MYO3B: variants seen among roughly 807,000 people sequenced by gnomAD.
The protein encoded by MYO3B is myosin IIIB, also known as myosin-IIIb.
Under a neutral mutation model 174.6 loss-of-function variants are expected in MYO3B, and 156 were observed. The ratio of observed to expected loss-of-function variants is 0.89; its 90% CI spans 0.78 to 1.02. MYO3B has a LOEUF of 1.02. MYO3B is among the 50% of genes least tolerant of loss of function. The pLI is 0.00. For synonymous variants in MYO3B, 563 were observed against 569.1 expected (o/e 0.99, Z 0.15); for missense variants, 1,632 against 1,639.4 (o/e 1.00, Z 0.08).
intron 32 of MYO3B, among the ~76,000 whole-genome samples, chr2:170,609,104 A>G (rs950760945): frequency 6.6e-6 from 1 of 152,150 alleles, no homozygotes; most frequent in Non-Finnish European, 1.5e-5. Context: ...TTGCTCTTTC[A>G]TGTTTCTTCT....
intron 19 of MYO3B, 73 bp downstream of exon 19, chr2:170,403,068 G>T: frequency 6.9e-7 from 1 of 1,451,746 alleles, no homozygotes; most frequent in Non-Finnish European, 9.4e-7. Context: ...ATTTGTAGCA[G>T]AAACCCTGTA....
At chr2:170,251,784 T>C (rs1184599350) in intron 7 of MYO3B, among the ~76,000 whole-genome samples, 2 of 152,232 alleles carry the variant, frequency 1.3e-5, no homozygotes, top group Non-Finnish European at 2.9e-5. Flanking sequence ...ACAGCAGTTC[T>C]AGGAAACTAT....
chr2:170,293,533 C>T (rs2093609573), intron 7 of MYO3B, among the ~76,000 whole-genome samples: 1 of 152,108 alleles, frequency 6.6e-6, no homozygotes, highest in Non-Finnish European at 1.5e-5. Context: ...ATTGCTTTCT[C>T]AACCTCTTCT....
At chr2:170,370,325 G>A (rs1035110144) in intron 9 of MYO3B, among the ~76,000 whole-genome samples, 1 of 152,098 alleles carries the variant, frequency 6.6e-6, no homozygotes, top group African/African-American at 2.4e-5. Flanking sequence ...GCCAAACATT[G>A]GCATCCAAAC....
At chr2:170,254,945 G>A (rs1574662637) in intron 7 of MYO3B, among the ~76,000 whole-genome samples, 1 of 152,326 alleles carries the variant, frequency 6.6e-6, no homozygotes, top group East Asian at 1.9e-4. Context: ...TGCTCCTGGG[G>A]CAGACACTGG....
At chr2:170,325,602 A>T (rs762607306) in intron 7 of MYO3B, among the ~76,000 whole-genome samples, 1 of 152,150 alleles carries the variant, frequency 6.6e-6, no homozygotes, top group Non-Finnish European at 1.5e-5. Context: ...ATGCTAGAGG[A>T]TGAGAAGTGA....
intron 1 of MYO3B, among the ~76,000 whole-genome samples, chr2:170,182,857 C>T (rs1032904930): frequency 3.3e-5 from 5 of 152,002 alleles, no homozygotes; most frequent in Non-Finnish European, 7.4e-5. Context: ...GATCTGTCTG[C>T]CTTGGCCTCC....
chr2:170,183,066 G>T (rs1240640682), intron 1 of MYO3B, among the ~76,000 whole-genome samples: 1 of 152,014 alleles, frequency 6.6e-6, no homozygotes, highest in Non-Finnish European at 1.5e-5. Flanking sequence ...GACCAGCCTG[G>T]GCAACACTGT....
In MYO3B at chr2:170,524,094, A is replaced by G. The variant is rs1257208178; in HGVS notation, c.3575+4554A>G. ...TATATGTCAAGAAATATTGCTGCAA[A>G]TAAGAACTGAAGGGAAGTGTTGAGA... On this transcript the variant is annotated intron_variant, in intron 30 of 34. Transcript: ENST00000408978. Among the ~76,000 whole-genome samples the G allele has an allele frequency of 2.0e-5, 3 of 152,222 alleles. No individual in the cohort carries two copies. In the East Asian group the frequency reaches 5.8e-4, roughly 29 times the overall value.
At chr2:170,489,943 G>T (rs933784174) in intron 25 of MYO3B, among the ~76,000 whole-genome samples, 1 of 150,932 alleles carries the variant, frequency 6.6e-6, no homozygotes, top group Non-Finnish European at 1.5e-5. Context: ...CAATGTACAG[G>T]TTTTATACAT....
At chr2:170,209,363 G>A (rs1257080849) in intron 3 of MYO3B, among the ~76,000 whole-genome samples, 2 of 152,118 alleles carry the variant, frequency 1.3e-5, no homozygotes, top group African/African-American at 4.8e-5. Flanking sequence ...AAGTTTCCTT[G>A]ACTCTGAAAA....
At chr2:170,263,201 G>C (rs976651384) in intron 7 of MYO3B, among the ~76,000 whole-genome samples, 9 of 152,150 alleles carry the variant, frequency 5.9e-5, no homozygotes, top group Admixed American at 5.2e-4. Flanking sequence ...TTGGCTAGAC[G>C]GTTTTTCTCC....
chr2:170,369,708 A>G (rs1043573920), intron 9 of MYO3B, among the ~76,000 whole-genome samples: 14 of 150,754 alleles, frequency 9.3e-5, no homozygotes, highest in Admixed American at 9.2e-4. Flanking sequence ...TTTTTTACCA[A>G]TAGAGGTAAC....
chr2:170,202,226 T>G (rs371547370), intron 3 of MYO3B, among the ~76,000 whole-genome samples: 5 of 152,216 alleles, frequency 3.3e-5, no homozygotes, highest in East Asian at 3.8e-4. Flanking sequence ...ACCACAGTAA[T>G]GAAGCTGCCC....
At chr2:170,262,232 C>T (rs565066202) in intron 7 of MYO3B, among the ~76,000 whole-genome samples, 2 of 152,262 alleles carry the variant, frequency 1.3e-5, no homozygotes, top group African/African-American at 2.4e-5. Context: ...TCCTTCAGAA[C>T]GTTAGTGAGA....
chr2:170,340,954 A>G (rs1469047608), intron 8 of MYO3B: 3 of 152,118 alleles, frequency 2.0e-5, no homozygotes, highest in African/African-American at 4.8e-5. Context: ...CGGAGTGAGC[A>G]TTGTGGCTGA....
chr2:170,498,690 T>C lies in MYO3B; in HGVS notation c.3113T>C (p.Leu1038Pro). The change falls in exon 26 of 35, where the codon CTG becomes CCG. Residue 1038 changes from leucine to proline, a missense_variant. Transcript: ENST00000408978. ...LEKSRLDHWVLGKTKVFLKYY... is the reference protein window; with the variant it reads ...LEKSRLDHWVPGKTKVFLKYY... ...AAGTCCAGATTAGATCACTGGGTAC[T>C]GGGAAAAACAAAGGTAGTTCGTTCT... 1 of 1,603,724 alleles carries C rather than the reference T, an allele frequency of 6.2e-7. No homozygotes were observed. Among genetic ancestry groups the C allele is most frequent in the Non-Finnish European group, 8.5e-7 (1 of 1,170,710 alleles).
At chr2:170,203,937 A>G (rs1466262272) in intron 3 of MYO3B, among the ~76,000 whole-genome samples, 1 of 152,134 alleles carries the variant, frequency 6.6e-6, no homozygotes, top group Admixed American at 6.5e-5. Flanking sequence ...CAAAAGAGAG[A>G]GAGTTAAGAG....
In MYO3B at chr2:170,543,968, G is replaced by A; in HGVS notation, c.3713G>A (p.Trp1238Ter). 6.2e-7 allele frequency: 1 copy of A among 1,612,866 alleles called. No individual in the cohort carries two copies. The highest frequency in any genetic ancestry group is 1.3e-5 in the African/African-American group (1 of 75,018). Residue 1238 changes from tryptophan to a stop codon, truncating the protein, a stop_gained, in exon 32 of 35, where the codon TGG becomes TAG. Transcript: ENST00000408978. LOFTEE classifies it high-confidence loss of function. ...PAPDQQGLSLWGAPQKPGSEN... is the reference protein window; with the variant it reads ...PAPDQQGLSL ...CCAGATCAGCAAGGATTGAGTCTCT[G>A]GGGAGCCCCTCAAAAGCCTGGTAAG...
Sources: allele counts gnomAD v4.1 joint callset (sites outside exome capture counted in the v4.1 genomes callset), GRCh38; gene constraint gnomAD v4.1.1; transcripts MANE v1.5; gene names NCBI Gene and HGNC (gene_info 2026-07-23, HGNC 2026-07-21).